Variants in BRPF1 observed in about 807,000 individuals in gnomAD.
The protein encoded by BRPF1 is peregrin.
Under a neutral mutation model 115.0 loss-of-function variants are expected in BRPF1, and 15 were observed. The ratio of observed to expected loss-of-function variants is 0.13; its 90% CI spans 0.09 to 0.20. BRPF1 has a LOEUF of 0.20. Among genes scored for constraint, BRPF1 ranks in the 10% least tolerant of loss-of-function variants. BRPF1 has a pLI of 1.00. For missense variants in BRPF1, 1,118 were observed against 1,638.3 expected, an observed-to-expected ratio of 0.68 and a Z score of 5.48; for synonymous variants, 647 against 619.8, an observed-to-expected ratio of 1.04 and a Z score of -0.65.
intron 2 of BRPF1, among the ~76,000 whole-genome samples, chr3:9,737,038 C>T (rs2076954108): frequency 6.6e-6 from 1 of 152,158 alleles, no homozygotes; most frequent in African/African-American, 2.4e-5. Context: ...AGAGCTGGTG[C>T]CAAGGCCTGG....
rs533900598 is a variant in BRPF1, at chr3:9,741,105, T to C, written c.1722+164T>C. Reference sequence around the variant, plus strand: ...GGAATGTTCAATGAAAAGATGTTGTTCCTATGTGTTTATGTATTCATTCAA... The same window carrying C: ...GGAATGTTCAATGAAAAGATGTTGTCCCTATGTGTTTATGTATTCATTCAA... On this transcript the variant is annotated intron_variant, in intron 4 of 13. Transcript: ENST00000383829. Among the ~76,000 whole-genome samples the C allele has an allele frequency of 3.3e-5, 5 of 152,348 alleles. No individual in the cohort carries two copies. The South Asian group carries it at 1.0e-3, about 32-fold the overall frequency.
Position 9,743,700 on chromosome 3 carries a change from T to C in BRPF1, c.2434T>C (p.Ser812Pro). 1.2e-6 allele frequency: 2 copies of C among 1,614,168 alleles called. No homozygotes were observed. Among genetic ancestry groups the C allele is most frequent in the African/African-American group, 1.3e-5 (1 of 75,062 alleles). Residue 812 changes from serine to proline, a missense_variant, in exon 8 of 14, where the codon TCA becomes CCA. By Grantham distance (74) the Ser-to-Pro change is moderately conservative (BLOSUM62 -1). Coordinates refer to ENST00000383829, the MANE Select transcript of BRPF1 (RefSeq NM_001003694.2). This position sits in a 1 kb window ranked among gnomAD's most constrained non-coding sequence, Gnocchi z 6.1. ...VNASKQSVGR[S>P]RRAKMIKKEM... is the part of the protein sequence containing the mutation. ...TGCCAGCAAGCAGAGTGTGGGCCGC[T>C]CACGGCGTGCAAAGATGATCAAGAA...
intron 4 of BRPF1, 147 bp downstream of exon 4, chr3:9,741,088 C>A: frequency 9.6e-7 from 1 of 1,039,696 alleles, no homozygotes; most frequent in Non-Finnish European, 1.4e-6. Flanking sequence ...ATGGAATGTT[C>A]AATGAAAAGA....
At chr3:9,746,198 C>A in intron 12 of BRPF1, 102 bp from the exon 13 acceptor site, 1 of 1,380,452 alleles carries the variant, frequency 7.2e-7, no homozygotes, top group Non-Finnish European at 9.8e-7. Context: ...TAGCATGATA[C>A]CCTCTCTGTC....
At chr3:9,733,444 C>A (rs2076889036) in intron 1 of BRPF1, 1 of 152,258 alleles carries the variant, frequency 6.6e-6, no homozygotes, top group Non-Finnish European at 1.5e-5. Flanking sequence ...TGGATAGGCT[C>A]TGGTACCCTT....
chr3:9,740,426 A>G (rs891526013), intron 3 of BRPF1, among the ~76,000 whole-genome samples: 17 of 152,156 alleles, frequency 1.1e-4, no homozygotes, highest in Non-Finnish European at 5.9e-5. Context: ...TTTCTGCTGT[A>G]CAGTTGTACT....
At position 9,731,992 on chromosome 3, in the gene BRPF1, G is replaced by C. The variant is rs2076859657; in HGVS notation, c.-157G>C. On this transcript the variant is annotated 5_prime_UTR_variant, in exon 1 of 14. Coordinates refer to ENST00000383829, the MANE Select transcript of BRPF1 (RefSeq NM_001003694.2). ...CCCGGGGAGCCGGGACCAAAGCGTG[G>C]GGCGGCAGGGGGCCGGGGTGGCGAG... 2 of 152,434 alleles carry C rather than the reference G, an allele frequency of 1.3e-5. No homozygotes were observed. The highest frequency in any genetic ancestry group is 4.1e-4 in the South Asian group (2 of 4,840). The allele number at this position is 152,434 out of a possible 1,614,324, so 9.4% of individuals were successfully genotyped here. A position where few individuals can be genotyped will look rare whatever the true frequency, so the allele number is the denominator to read the frequency against.
At position 9,747,108 on chromosome 3, in the gene BRPF1, G is replaced by C; in HGVS notation, c.3480-58G>C. 1.3e-6 allele frequency: 2 copies of C among 1,590,026 alleles called. No individual in the cohort carries two copies. Among genetic ancestry groups the C allele is most frequent in the Non-Finnish European group, 1.7e-6 (2 of 1,162,826 alleles). On this transcript the variant is annotated intron_variant, in intron 13 of 13. Coordinates refer to ENST00000383829, the MANE Select transcript of BRPF1 (RefSeq NM_001003694.2). This position sits in a 1 kb window ranked among gnomAD's most constrained non-coding sequence, Gnocchi z 5.6. The stretch of plus-strand genomic sequence containing the variant: ...TGGTGTGTTTGAGTGAATAGAGGAG[G>C]AAGGCTGGTCCTTGTTCTCCCTGAG...
Position 9,744,367 on chromosome 3 carries a change from C to T in BRPF1, c.2779C>T (p.Pro927Ser). 1 of 1,613,454 alleles carries T rather than the reference C, an allele frequency of 6.2e-7. No individual in the cohort carries two copies. The highest frequency in any genetic ancestry group is 8.5e-7 in the Non-Finnish European group (1 of 1,179,748). ...CAAAAACCGGGAGAGCCAGATGACC[C>T]CCAGCCACGGAGGCAGTCCTGTGGG... is the stretch of plus-strand genomic sequence containing the variant. ...PPKNRESQMT[P>S]SHGGSPVGPP... The change falls in exon 9 of 14, where the codon CCC (proline) becomes TCC (serine). Residue 927 changes from proline to serine, a missense_variant. By Grantham distance (74) the Pro-to-Ser change is moderately conservative. Transcript: ENST00000383829.
chr3:9,747,085 G>A lies in BRPF1; in HGVS notation c.3480-81G>A. 1 of 1,497,294 alleles carries A rather than the reference G, an allele frequency of 6.7e-7. No individual in the cohort carries two copies. The highest frequency in any genetic ancestry group is 9.2e-7 in the Non-Finnish European group (1 of 1,086,956). The allele number at this position is 1,497,294 out of a possible 1,614,324, so 92.8% of individuals were successfully genotyped here. On this transcript the variant is annotated intron_variant, in intron 13 of 13. Coordinates refer to ENST00000383829, the MANE Select transcript of BRPF1 (RefSeq NM_001003694.2). The surrounding 1 kb of genome is among the most constrained non-coding windows in gnomAD (Gnocchi z 5.6). The stretch of plus-strand genomic sequence containing the variant: ...TCTGGCCAGAGTGGGTGCTTGGGTG[G>A]TGTGTTTGAGTGAATAGAGGAGGAA...
intron 3 of BRPF1, 125 bp downstream of exon 3, chr3:9,740,083 A>G: frequency 4.3e-6 from 6 of 1,406,000 alleles, no homozygotes; most frequent in Non-Finnish European, 5.6e-6. Flanking sequence ...GAAGTTAAAA[A>G]GAACATATTT....
rs1381378865 is a variant in BRPF1 at position 9,740,944 on chromosome 3, A to G, written c.1722+3A>G. ...AGAGGAACTGTGACCAAGTTGGGGTACTGTGTCCAGTTCCCTGTGGGCTCT... is the reference window on the plus strand; with the variant it reads ...AGAGGAACTGTGACCAAGTTGGGGTGCTGTGTCCAGTTCCCTGTGGGCTCT... On this transcript the variant is annotated splice_donor_region_variant and intron_variant, in intron 4 of 13. Coordinates refer to ENST00000383829, the MANE Select transcript of BRPF1 (RefSeq NM_001003694.2). The G allele has an allele frequency of 1.9e-6, 3 of 1,610,358 alleles. No homozygotes were observed. The highest frequency in any genetic ancestry group is 1.7e-6 in the Non-Finnish European group (2 of 1,179,676).
In BRPF1 at chr3:9,747,364, G is replaced by A. The variant is rs1274060831; in HGVS notation, c.*15G>A. 1 of 1,610,354 alleles carries A rather than the reference G, an allele frequency of 6.2e-7. No homozygotes were observed. The highest frequency in any genetic ancestry group is 8.5e-7 in the Non-Finnish European group (1 of 1,177,610). ...ATAGTGATTGATACTGCTCAACACAGCCCAACCTATAGTGCCCTGTGACTT... is the reference window on the plus strand; with the variant it reads ...ATAGTGATTGATACTGCTCAACACAACCCAACCTATAGTGCCCTGTGACTT... On this transcript the variant is annotated 3_prime_UTR_variant, in exon 14 of 14. Transcript: ENST00000383829. The surrounding 1 kb of genome is among the most constrained non-coding windows in gnomAD (Gnocchi z 5.6).
In BRPF1 at chr3:9,739,237, A is replaced by G. The variant is rs1305027382; in HGVS notation, c.838A>G (p.Asn280Asp). 1.2e-6 allele frequency: 2 copies of G among 1,613,434 alleles called. No individual in the cohort carries two copies. The highest frequency in any genetic ancestry group is 3.3e-4 in the Middle Eastern group (2 of 6,050). The change falls in exon 3 of 14, where the codon AAT becomes GAT. Residue 280 changes from asparagine (N) to aspartate (D), a missense_variant. Asn to Asp is a conservative substitution (Grantham distance 23). Transcript: ENST00000383829. ...VDEDAVCCICNDGECQNSNVI... is the reference protein window; with the variant it reads ...VDEDAVCCICDDGECQNSNVI... ...CGAGGATGCTGTTTGCTGTATCTGC[A>G]ATGATGGTGAGTGCCAGAACAGCAA...
rs2077113276 is a variant in BRPF1 at position 9,745,721 on chromosome 3, T to C, written c.3205+12T>C. 1 of 1,613,558 alleles carries C rather than the reference T, an allele frequency of 6.2e-7. No individual in the cohort carries two copies. ...CGTGGGCCACAGCAGTAAGTTCCCTTGCCCAAGGCCAGGGATGCTGGGGAC... is the reference window on the plus strand; with the variant it reads ...CGTGGGCCACAGCAGTAAGTTCCCTCGCCCAAGGCCAGGGATGCTGGGGAC... On this transcript the variant is annotated intron_variant, in intron 11 of 13. Transcript: ENST00000383829. This position sits in a 1 kb window ranked among gnomAD's most constrained non-coding sequence, Gnocchi z 5.1.
chr3:9,741,239 C>T, intron 4 of BRPF1, 69 bp from the exon 5 acceptor site: 1 of 1,506,788 alleles, frequency 6.6e-7, no homozygotes, highest in Non-Finnish European at 8.9e-7. Flanking sequence ...GTTTCCTGGG[C>T]TCTCTTCTCC....
rs2076901584 is a variant in BRPF1, at chr3:9,734,217, A to C, written c.77A>C (p.Glu26Ala). ...AAGCCACCATACGAGTGCCCGGTGGAGACCTGCCGAAAGGTCTACAAGAGT... is the reference window on the plus strand; with the variant it reads ...AAGCCACCATACGAGTGCCCGGTGGCGACCTGCCGAAAGGTCTACAAGAGT... ...ATKPPYECPV[E>A]TCRKVYKSYS... Residue 26 changes from glutamate to alanine, a missense_variant, in exon 2 of 14, where the codon GAG becomes GCG. Glu to Ala is a moderately radical substitution (Grantham distance 107). Transcript: ENST00000383829. The surrounding 1 kb of genome is among the most constrained non-coding windows in gnomAD (Gnocchi z 5.7). 1 of 1,613,954 alleles carries C rather than the reference A, an allele frequency of 6.2e-7. No individual in the cohort carries two copies. Among genetic ancestry groups the C allele is most frequent in the African/African-American group, 1.3e-5 (1 of 74,856 alleles).
intron 12 of BRPF1, 112 bp from the exon 13 acceptor site, chr3:9,746,188 T>G: frequency 7.5e-7 from 1 of 1,333,278 alleles, no homozygotes. Context: ...GCAGTTCTAG[T>G]AGCATGATAC....
At chr3:9,741,084 T>G in intron 4 of BRPF1, 143 bp downstream of exon 4, 1 of 1,047,102 alleles carries the variant, frequency 9.6e-7, no homozygotes, top group Non-Finnish European at 1.4e-6. Context: ...CAGCATGGAA[T>G]GTTCAATGAA....
Sources: allele counts gnomAD v4.1 joint callset (sites outside exome capture counted in the v4.1 genomes callset), GRCh38; gene constraint gnomAD v4.1.1; non-coding constraint Gnocchi (gnomAD v3.1); transcripts MANE v1.5; gene names NCBI Gene and HGNC (gene_info 2026-07-23, HGNC 2026-07-21).